Variants in NUDT19 observed in about 807,000 individuals in gnomAD.
The protein encoded by NUDT19 is nudix hydrolase 19.
In NUDT19, 31 loss-of-function variants were observed where a neutral mutation model predicts 22.2. That is an observed-to-expected ratio of 1.40 (90% CI 1.05 to 1.89). The LOEUF (loss-of-function observed/expected upper bound fraction) is 1.89. Ranked by LOEUF, NUDT19 falls within the 40% of genes most tolerant of loss-of-function variation. The pLI, the probability that NUDT19 is intolerant of heterozygous loss-of-function variation, is 0.00. For missense variants in NUDT19, 752 were observed against 514.2 expected (o/e 1.46, Z -4.47); for synonymous variants, 325 against 230.8 (o/e 1.41, Z -3.70).
chr19:32,699,890 T>G (rs8101812), intron 1 of NUDT19, among the ~76,000 whole-genome samples: 42,857 of 152,008 alleles, frequency 0.28, 6,047 homozygotes, highest in Middle Eastern at 0.33. Flanking sequence ...GGGTTCGTGG[T>G]CTCACTGACT....
intron 1 of NUDT19, among the ~76,000 whole-genome samples, chr19:32,699,909 GA>G (rs1322242536): frequency 6.6e-6 from 1 of 152,182 alleles, no homozygotes; most frequent in Non-Finnish European, 1.5e-5. Flanking sequence ...CTTTAGGAGT[GA>G]AGCCACAGAC....
intron 2 of NUDT19, among the ~76,000 whole-genome samples, chr19:32,710,076 A>G (rs571890423): frequency 3.9e-5 from 6 of 151,978 alleles, no homozygotes; most frequent in East Asian, 1.9e-4. Flanking sequence ...CTGGAGTGCA[A>G]TCTGGGCTCA....
intron 1 of NUDT19, among the ~76,000 whole-genome samples, chr19:32,698,233 C>T (rs114020591): frequency 0.013 from 2,020 of 152,282 alleles, 45 homozygotes; most frequent in African/African-American, 0.046. Flanking sequence ...GTAGTTTATA[C>T]TTCCCTCAGG....
chr19:32,705,832 A>G (rs750593937), intron 1 of NUDT19, among the ~76,000 whole-genome samples: 2 of 151,630 alleles, frequency 1.3e-5, no homozygotes, highest in Non-Finnish European at 2.9e-5. Context: ...TGATCCACCC[A>G]CCTCTGCCTC....
intron 1 of NUDT19, among the ~76,000 whole-genome samples, chr19:32,699,964 G>A (rs1040449568): frequency 2.6e-5 from 4 of 152,148 alleles, no homozygotes; most frequent in African/African-American, 4.8e-5. Flanking sequence ...CATGTCTGGA[G>A]TTGTTTGTTC....
intron 1 of NUDT19, among the ~76,000 whole-genome samples, chr19:32,702,719 C>T (rs912650969): frequency 6.6e-6 from 1 of 152,154 alleles, no homozygotes; most frequent in African/African-American, 2.4e-5. Flanking sequence ...TTGTTATTGT[C>T]AATAAGGTTA....
At chr19:32,693,827 C>T (rs1380424334) in intron 1 of NUDT19, among the ~76,000 whole-genome samples, 1 of 152,162 alleles carries the variant, frequency 6.6e-6, no homozygotes, top group African/African-American at 2.4e-5. Flanking sequence ...CCCACTGGAC[C>T]CAGGAAGTCC....
intron 1 of NUDT19, among the ~76,000 whole-genome samples, chr19:32,693,536 G>T (rs1292736399): frequency 6.6e-6 from 1 of 152,204 alleles, no homozygotes; most frequent in Non-Finnish European, 1.5e-5. Flanking sequence ...TTGGGTGCTG[G>T]TGGCTGGGTG....
rs894523940 is a variant in NUDT19 at position 32,692,134 on chromosome 19, C to A, written c.174C>A (p.Gly58=). 9 of 1,479,266 alleles carry A rather than the reference C, an allele frequency of 6.1e-6. No homozygotes were observed. Among genetic ancestry groups the A allele is most frequent in the East Asian group, 2.8e-5 (1 of 35,872 alleles). 91.6% of individuals were successfully genotyped at this position (1,479,266 alleles called of 1,614,324 possible). A position where few individuals can be genotyped will look rare whatever the true frequency, so the allele number is the denominator to read the frequency against. Residue 58 remains glycine (G), a synonymous_variant, in exon 1 of 3, where the codon GGC becomes GGA. Coordinates refer to ENST00000397061, the MANE Select transcript of NUDT19 (RefSeq NM_001105570.2). ...QRSPHQGFMP[G]AHVFSGGVLD... is the part of the protein sequence containing the mutation. Reference sequence around the variant, plus strand: ...CCCCGCACCAAGGCTTCATGCCGGGCGCGCACGTCTTCTCCGGCGGAGTGC... The same window carrying A: ...CCCCGCACCAAGGCTTCATGCCGGGAGCGCACGTCTTCTCCGGCGGAGTGC...
At chr19:32,695,676 C>G (rs1253064030) in intron 1 of NUDT19, among the ~76,000 whole-genome samples, 1 of 152,198 alleles carries the variant, frequency 6.6e-6, no homozygotes, top group Non-Finnish European at 1.5e-5. Flanking sequence ...ATGGCTTCGG[C>G]AGTGTAAGAC....
intron 1 of NUDT19, among the ~76,000 whole-genome samples, chr19:32,702,147 C>A (rs897496279): frequency 2.0e-5 from 3 of 152,130 alleles, no homozygotes; most frequent in African/African-American, 7.2e-5. Flanking sequence ...TAAAAAGTTG[C>A]GACCTGGGCC....
intron 1 of NUDT19, among the ~76,000 whole-genome samples, chr19:32,707,163 C>A (rs545234189): frequency 9.8e-5 from 15 of 152,324 alleles, no homozygotes; most frequent in African/African-American, 3.1e-4. Flanking sequence ...TCTGGACTCA[C>A]CTGAACAGGT....
chr19:32,704,063 T>C (rs1195868586), intron 1 of NUDT19, among the ~76,000 whole-genome samples: 1 of 152,244 alleles, frequency 6.6e-6, no homozygotes, highest in Non-Finnish European at 1.5e-5. Context: ...TTTCTTGTAG[T>C]ATAGATCCTG....
intron 1 of NUDT19, among the ~76,000 whole-genome samples, chr19:32,703,111 C>A (rs531204846): frequency 1.3e-5 from 2 of 152,262 alleles, no homozygotes; most frequent in African/African-American, 4.8e-5. Flanking sequence ...AAGTGATTCT[C>A]CTGCCTCAGC....
intron 1 of NUDT19, among the ~76,000 whole-genome samples, chr19:32,698,646 G>A (rs1263024292): frequency 6.6e-6 from 1 of 152,344 alleles, no homozygotes; most frequent in East Asian, 1.9e-4. Flanking sequence ...CTGCTGATCA[G>A]AATGGTTGTG....
rs1196392542 is a variant in NUDT19 at position 32,691,941 on chromosome 19, G to A, written c.-20G>A. ...TGGAGCTCAGGCCGCGCCAGAATCG[G>A]ATCCGGGAAGCTGCGCGCCATGAGC... is the stretch of plus-strand genomic sequence containing the variant. On this transcript the variant is annotated 5_prime_UTR_variant, in exon 1 of 3. Coordinates refer to ENST00000397061, the MANE Select transcript of NUDT19 (RefSeq NM_001105570.2). The A allele has an allele frequency of 1.3e-5, 16 of 1,213,018 alleles. No homozygotes were observed. The highest frequency in any genetic ancestry group is 3.2e-4 in the Middle Eastern group (1 of 3,150). The allele number at this position is 1,213,018 out of a possible 1,614,324, so 75.1% of individuals were successfully genotyped here. A position where few individuals can be genotyped will look rare whatever the true frequency, so the allele number is the denominator to read the frequency against.
intron 1 of NUDT19, among the ~76,000 whole-genome samples, chr19:32,694,487 G>A (rs556530227): frequency 3.3e-5 from 5 of 152,112 alleles, no homozygotes; most frequent in Non-Finnish European, 7.4e-5. Context: ...GAGAGTGTGT[G>A]GTAGTAAGAT....
At chr19:32,705,958 C>T (rs1170738432) in intron 1 of NUDT19, among the ~76,000 whole-genome samples, 1 of 152,080 alleles carries the variant, frequency 6.6e-6, no homozygotes, top group African/African-American at 2.4e-5. Context: ...ATGATCTCTC[C>T]ACTGTGATTG....
In NUDT19 at chr19:32,692,550, G is replaced by A. The variant is rs745404496; in HGVS notation, c.590G>A (p.Trp197Ter). The A allele has an allele frequency of 2.5e-6, 4 of 1,596,650 alleles. No homozygotes were observed. The Admixed American group carries it at 5.1e-5, about 21-fold the overall frequency. ...CCCGACATCTGGGCGCTGCACAACT[G>A]GAGCGCCTGGCTCACCCCTTTCTTG... is the stretch of plus-strand genomic sequence containing the variant. ...CTPDIWALHN[W>*]SAWLTPFLRG... The change falls in exon 1 of 3, where the codon TGG becomes TAG. Residue 197 changes from tryptophan to a stop codon, truncating the protein, a stop_gained. Coordinates refer to ENST00000397061, the MANE Select transcript of NUDT19 (RefSeq NM_001105570.2). LOFTEE classifies it high-confidence loss of function.
Sources: gnomAD v4.1 joint callset for allele counts (sites outside exome capture counted in the v4.1 genomes callset) on GRCh38, gnomAD v4.1.1 for gene constraint, MANE v1.5 for transcripts, NCBI Gene and HGNC (gene_info 2026-07-23, HGNC 2026-07-21) for gene names.